Variants in TFF1 observed in about 807,000 individuals in gnomAD.
TFF1 encodes breast cancer estrogen-inducible protein.
A neutral mutation model predicts 7.7 loss-of-function variants in TFF1; 8 were observed. That is an observed-to-expected ratio of 1.04 (90% CI 0.61 to 1.87). TFF1 has a LOEUF of 1.87. Among genes scored for constraint, TFF1 ranks in the 40% most tolerant of loss-of-function variants. The pLI is 0.00. For missense variants in TFF1, 120 were observed against 113.4 expected, an observed-to-expected ratio of 1.06 and a Z score of -0.26; for synonymous variants, 47 against 44.8, an observed-to-expected ratio of 1.05 and a Z score of -0.19.
At chr21:42,364,960 G>A (rs553959470) in intron 1 of TFF1, among the ~76,000 whole-genome samples, 2 of 152,266 alleles carry the variant, frequency 1.3e-5, no homozygotes, top group South Asian at 2.1e-4. Flanking sequence ...TGGTGAGGGA[G>A]GATCATCATC....
intron 1 of TFF1, 34 bp downstream of exon 1, chr21:42,366,377 G>T (rs1327842879): frequency 1.3e-6 from 2 of 1,534,696 alleles, no homozygotes; most frequent in African/African-American, 1.4e-5. Flanking sequence ...AGAGCTGGCT[G>T]TGGCCCCACA....
rs1442305379 is a variant in TFF1, at chr21:42,362,509, G to C, written c.239-14C>G. 3 of 1,577,372 alleles carry C rather than the reference G, an allele frequency of 1.9e-6. No individual in the cohort carries two copies. The highest frequency in any genetic ancestry group is 2.6e-6 in the Non-Finnish European group (3 of 1,162,686). On this transcript the variant is annotated splice_polypyrimidine_tract_variant and intron_variant, in intron 2 of 2. Coordinates refer to ENST00000291527, the MANE Select transcript of TFF1 (RefSeq NM_003225.3). ...ATTCACACTCCTCTACAGGGGTGAG[G>C]GGGAGGGAGAAAGAGATGCTTTAGT...
intron 2 of TFF1, among the ~76,000 whole-genome samples, chr21:42,362,867 C>A (rs1239063015): frequency 6.7e-6 from 1 of 150,120 alleles, no homozygotes; most frequent in Non-Finnish European, 1.5e-5. Flanking sequence ...CCATTGCACT[C>A]CAGCTCAGGG....
chr21:42,363,163 A>T, intron 2 of TFF1, 92 bp downstream of exon 2: 1 of 1,547,860 alleles, frequency 6.5e-7, no homozygotes, highest in Non-Finnish European at 8.9e-7. Context: ...GTAAAGGCAT[A>T]GCTGGTGATG....
At chr21:42,365,521 G>A (rs950714717) in intron 1 of TFF1, among the ~76,000 whole-genome samples, 1 of 152,172 alleles carries the variant, frequency 6.6e-6, no homozygotes, top group South Asian at 2.1e-4. Flanking sequence ...GGCAGTGGGG[G>A]CACGGACAGC....
chr21:42,364,299 T>C (rs1305980412), intron 1 of TFF1, among the ~76,000 whole-genome samples: 1 of 151,818 alleles, frequency 6.6e-6, no homozygotes, highest in African/African-American at 2.4e-5. Context: ...CAGGTGAAGA[T>C]GGAGCCGCAT....
At chr21:42,365,892 A>G (rs569590212) in intron 1 of TFF1, among the ~76,000 whole-genome samples, 2 of 152,300 alleles carry the variant, frequency 1.3e-5, no homozygotes, top group South Asian at 4.1e-4. Flanking sequence ...TTTGACTCCC[A>G]GAGCATGGAT....
rs141090896 is a variant in TFF1, at chr21:42,363,305, C to A, written c.188G>T (p.Arg63Leu). 212 of 1,614,096 alleles carry A rather than the reference C, an allele frequency of 1.3e-4. No individual in the cohort carries two copies. The highest frequency in any genetic ancestry group is 1.7e-4 in the Non-Finnish European group (198 of 1,180,056). Residue 63 changes from arginine (R) to leucine (L), a missense_variant, in exon 2 of 3, where the codon CGT becomes CTT. By Grantham distance (102) the Arg-to-Leu change is moderately radical. Coordinates refer to ENST00000291527, the MANE Select transcript of TFF1 (RefSeq NM_003225.3). ...AGGATAGAAGCACCAGGGGACCCCA[C>A]GAACGGTGTCGTCGAAACAGCAGCC... ...NKGCCFDDTV[R>L]GVPWCFYPNT... is the part of the protein sequence containing the mutation.
rs771937329 is a variant in TFF1, at chr21:42,363,284, T to C, written c.209A>G (p.Tyr70Cys). The change falls in exon 2 of 3, where the codon TAT (tyrosine) becomes TGT (cysteine). Residue 70 changes from tyrosine (Y) to cysteine (C), a missense_variant. Transcript: ENST00000291527. ...TGGAGGGACGTCGATGGTATTAGGATAGAAGCACCAGGGGACCCCACGAAC... is the reference window on the plus strand; with the variant it reads ...TGGAGGGACGTCGATGGTATTAGGACAGAAGCACCAGGGGACCCCACGAAC... ...DTVRGVPWCF[Y>C]PNTIDVPPEE... is the part of the protein sequence containing the mutation. The C allele has an allele frequency of 6.2e-7, 1 of 1,614,202 alleles. No individual in the cohort carries two copies. The highest frequency in any genetic ancestry group is 1.1e-5 in the South Asian group (1 of 91,088).
intron 2 of TFF1, 151 bp from the exon 3 acceptor site, chr21:42,362,646 G>A (rs1165329126): frequency 6.4e-6 from 6 of 937,946 alleles, no homozygotes; most frequent in East Asian, 2.9e-5. Context: ...GGTGGCTCAC[G>A]CCTGTAATCC....
chr21:42,365,816 C>A (rs1261508285), intron 1 of TFF1, among the ~76,000 whole-genome samples: 1 of 152,144 alleles, frequency 6.6e-6, no homozygotes, highest in African/African-American at 2.4e-5. Flanking sequence ...GGACCCAGGG[C>A]AACCGATCCA....
rs2146407752 is a variant in TFF1 at position 42,366,406 on chromosome 21, C to T, written c.85+5G>A. 7 of 1,607,448 alleles carry T rather than the reference C, an allele frequency of 4.4e-6. No individual in the cohort carries two copies. The highest frequency in any genetic ancestry group is 2.2e-5 in the East Asian group (1 of 44,740). On this transcript the variant is annotated splice_donor_5th_base_variant and intron_variant, in intron 1 of 2. Coordinates refer to ENST00000291527, the MANE Select transcript of TFF1 (RefSeq NM_003225.3). The stretch of plus-strand genomic sequence containing the variant: ...CCCCACAGAGCAGGAAGAAGCACGC[C>T]TTACCTGTCTGGGCCTCGGCCAGGG...
intron 1 of TFF1, 140 bp downstream of exon 1, chr21:42,366,271 A>C (rs1432114650): frequency 6.9e-6 from 4 of 582,734 alleles, no homozygotes; most frequent in Non-Finnish European, 1.1e-5. Context: ...CGATCCTGTA[A>C]ATTGGATATA....
At chr21:42,362,558 T>G in intron 2 of TFF1, 63 bp from the exon 3 acceptor site, 2 of 1,504,456 alleles carry the variant, frequency 1.3e-6, no homozygotes, top group Middle Eastern at 3.5e-4. Context: ...TTCTTTCACA[T>G]TTAAACAATT....
intron 1 of TFF1, 117 bp downstream of exon 1, chr21:42,366,294 T>G: frequency 1.4e-6 from 1 of 728,702 alleles, no homozygotes; most frequent in Non-Finnish European, 2.2e-6. Flanking sequence ...TTTAAGGGCC[T>G]AGAACAGCAC....
chr21:42,362,753 CA>C (rs531122225), intron 2 of TFF1, among the ~76,000 whole-genome samples: 2 of 151,582 alleles, frequency 1.3e-5, no homozygotes, highest in Non-Finnish European at 1.5e-5. Context: ...ACTAAAAATA[CA>C]AAAAAAATTT....
In TFF1 at chr21:42,366,467, C is replaced by T; in HGVS notation, c.29G>A (p.Cys10Tyr). The change falls in exon 1 of 3, where the codon TGC (cysteine) becomes TAC (tyrosine). Residue 10 changes from cysteine (C) to tyrosine (Y), a missense_variant. Coordinates refer to ENST00000291527, the MANE Select transcript of TFF1 (RefSeq NM_003225.3). ...CAGCATGGACACCAGGACCAGGGCG[C>T]AGATCACCTTGTTCTCCATGGTGGC... MATMENKVI[C>Y]ALVLVSMLAL... 6.2e-7 allele frequency: 1 copy of T among 1,612,976 alleles called. No homozygotes were observed. Among genetic ancestry groups the T allele is most frequent in the South Asian group, 1.1e-5 (1 of 91,000 alleles).
chr21:42,364,761 T>C (rs1044297355), intron 1 of TFF1, among the ~76,000 whole-genome samples: 6 of 152,334 alleles, frequency 3.9e-5, no homozygotes, highest in Admixed American at 2.0e-4. Flanking sequence ...TTGTCTGCTT[T>C]GCTATCAGGG....
At chr21:42,363,608 GC>G (rs2052257759) in intron 1 of TFF1, among the ~76,000 whole-genome samples, 1 of 152,210 alleles carries the variant, frequency 6.6e-6, no homozygotes, top group African/African-American at 2.4e-5. Flanking sequence ...AATGCAAGGT[GC>G]CCCAGGTTTG....
Sources: gnomAD v4.1 joint callset for allele counts (sites outside exome capture counted in the v4.1 genomes callset) on GRCh38, gnomAD v4.1.1 for gene constraint, MANE v1.5 for transcripts, NCBI Gene and HGNC (gene_info 2026-07-23, HGNC 2026-07-21) for gene names.